RPTOR: variants seen among roughly 807,000 people sequenced by gnomAD.
The protein encoded by RPTOR is regulatory-associated protein of mTOR.
RPTOR carries 21 observed loss-of-function variants against 169.9 expected under a neutral mutation model. That is an observed-to-expected ratio of 0.12 (90% CI 0.09 to 0.18). RPTOR has a LOEUF of 0.18. RPTOR is among the 10% of genes least tolerant of loss of function. The pLI is 1.00. For synonymous variants in RPTOR, 732 were observed against 753.2 expected (o/e 0.97, Z 0.46); for missense variants, 1,133 against 1,855.9 (o/e 0.61, Z 7.16).
chr17:80,664,243 T>G (rs945810185), intron 3 of RPTOR, among the ~76,000 whole-genome samples: 2 of 152,234 alleles, frequency 1.3e-5, no homozygotes, highest in Non-Finnish European at 2.9e-5. Context: ...CTTCCTATTC[T>G]TTCTTAATGA....
chr17:80,859,690 C>T (rs1006329240), intron 13 of RPTOR, among the ~76,000 whole-genome samples: 1 of 152,200 alleles, frequency 6.6e-6, no homozygotes, highest in Non-Finnish European at 1.5e-5. Context: ...TCCACGTTCC[C>T]CCCGGACTTC....
chr17:80,883,835 C>T lies in RPTOR; in HGVS notation c.1705C>T (p.Pro569Ser). Residue 569 changes from proline to serine, a missense_variant, in exon 16 of 34, where the codon CCG becomes TCG. Physicochemically the swap from Pro to Ser is moderately conservative, Grantham distance 74. Around this residue, in one of 9 missense-constraint regions of RPTOR, gnomAD observed 289 missense variants for 585.8 expected, o/e 0.49. Transcript: ENST00000306801. ...IAICLEQLND[P>S]HPLLRQWVAI... ...CATCTGCCTGGAGCAGCTCAACGACCCGCACCCCTTGCTGCGCCAGTGGGT... is the reference window on the plus strand; with the variant it reads ...CATCTGCCTGGAGCAGCTCAACGACTCGCACCCCTTGCTGCGCCAGTGGGT... The T allele has an allele frequency of 6.2e-7, 1 of 1,613,762 alleles. No homozygotes were observed. The highest frequency in any genetic ancestry group is 8.5e-7 in the Non-Finnish European group (1 of 1,180,038).
chr17:80,572,981 A>G (rs2064923583), intron 1 of RPTOR, among the ~76,000 whole-genome samples: 1 of 151,916 alleles, frequency 6.6e-6, no homozygotes, highest in Non-Finnish European at 1.5e-5. Flanking sequence ...AACTTTGTGT[A>G]TGGTTTAAGG....
chr17:80,913,422 C>T (rs2068634965), intron 21 of RPTOR, among the ~76,000 whole-genome samples: 1 of 152,036 alleles, frequency 6.6e-6, no homozygotes, highest in Non-Finnish European at 1.5e-5. Context: ...CTTTTAGCTC[C>T]CTTTTCTCTT....
chr17:80,558,853 T>G (rs1478071271), intron 1 of RPTOR, among the ~76,000 whole-genome samples: 1 of 152,198 alleles, frequency 6.6e-6, no homozygotes, highest in African/African-American at 2.4e-5. Flanking sequence ...TTGCATTTGG[T>G]GGTCGTGTCT....
chr17:80,917,059 T>C (rs2068681703), intron 21 of RPTOR, among the ~76,000 whole-genome samples: 1 of 151,746 alleles, frequency 6.6e-6, no homozygotes, highest in Admixed American at 6.6e-5. Flanking sequence ...CCAAACATCC[T>C]AAGCCTGATG....
intron 1 of RPTOR, among the ~76,000 whole-genome samples, chr17:80,619,394 A>G (rs1005441106): frequency 4.6e-5 from 7 of 152,164 alleles, no homozygotes; most frequent in South Asian, 2.1e-4. Flanking sequence ...GATCACCTGT[A>G]TCTTTTTAAA....
chr17:80,728,908 A>G (rs546305457), intron 4 of RPTOR, among the ~76,000 whole-genome samples: 1 of 152,234 alleles, frequency 6.6e-6, no homozygotes, highest in Admixed American at 6.5e-5. Context: ...CAGGTGTTCT[A>G]TTATAGAGCA....
chr17:80,847,696 T>A (rs967028334), intron 11 of RPTOR, among the ~76,000 whole-genome samples: 1 of 151,824 alleles, frequency 6.6e-6, no homozygotes, highest in African/African-American at 2.4e-5. Context: ...GTTCTGAGAG[T>A]CGGCAGAGTT....
intron 27 of RPTOR, among the ~76,000 whole-genome samples, chr17:80,948,358 G>A (rs1468034): frequency 0.14 from 21,693 of 152,194 alleles, 4,078 homozygotes; most frequent in African/African-American, 0.44. Context: ...AGCATCAACC[G>A]ATGTCGAAAG....
At chr17:80,775,731 A>G (rs2066886335) in intron 6 of RPTOR, among the ~76,000 whole-genome samples, 2 of 152,208 alleles carry the variant, frequency 1.3e-5, no homozygotes, top group South Asian at 4.1e-4. Context: ...CTTTTAATTT[A>G]TTGCACAAAT....
At chr17:80,649,294 T>C (rs1438842614) in intron 3 of RPTOR, among the ~76,000 whole-genome samples, 1 of 152,198 alleles carries the variant, frequency 6.6e-6, no homozygotes, top group Non-Finnish European at 1.5e-5. Flanking sequence ...AGTTCCAAAT[T>C]GACAGTCCAG....
In RPTOR at chr17:80,730,369, G is replaced by A. The variant is rs1598262880; in HGVS notation, c.508-191G>A. On this transcript the variant is annotated intron_variant, in intron 4 of 33. Transcript: ENST00000306801. The surrounding 1 kb of genome is among the most constrained non-coding windows in gnomAD (Gnocchi z 4.2). ...GATCCACCCATCTCAGCCTCCCAAAGTGCTGAGATTCAGGTGTGAGCCATT... is the reference window on the plus strand; with the variant it reads ...GATCCACCCATCTCAGCCTCCCAAAATGCTGAGATTCAGGTGTGAGCCATT... Among the ~76,000 whole-genome samples, 1 of 152,252 alleles carries A rather than the reference G, an allele frequency of 6.6e-6. No individual in the cohort carries two copies. Among genetic ancestry groups the A allele is most frequent in the East Asian group, 1.9e-4 (1 of 5,166 alleles).
At chr17:80,774,823 G>A (rs1246187154) in intron 6 of RPTOR, among the ~76,000 whole-genome samples, 4 of 152,208 alleles carry the variant, frequency 2.6e-5, no homozygotes, top group African/African-American at 9.6e-5. Context: ...AGAAATCAAG[G>A]AGGCTGCGGA....
intron 6 of RPTOR, among the ~76,000 whole-genome samples, chr17:80,778,568 G>T (rs575532869): frequency 2.0e-5 from 3 of 152,146 alleles, no homozygotes; most frequent in South Asian, 4.1e-4. Context: ...GGGCCCAGGC[G>T]GGAGGATCAC....
At chr17:80,674,882 AC>A (rs1392706390) in intron 3 of RPTOR, among the ~76,000 whole-genome samples, 3 of 150,406 alleles carry the variant, frequency 2.0e-5, no homozygotes, top group African/African-American at 4.9e-5. Context: ...TGACAATACC[AC>A]CCATCTTGGG....
intron 1 of RPTOR, among the ~76,000 whole-genome samples, chr17:80,611,594 A>G (rs1351881411): frequency 6.6e-6 from 1 of 152,058 alleles, no homozygotes; most frequent in Non-Finnish European, 1.5e-5. Context: ...TTCTTCCTGA[A>G]TACTCCTGCA....
chr17:80,834,792 G>A (rs539769067), intron 9 of RPTOR, among the ~76,000 whole-genome samples: 3 of 152,280 alleles, frequency 2.0e-5, no homozygotes, highest in South Asian at 2.1e-4. Context: ...TTCCAAAGGC[G>A]CCTTGCCCAG....
intron 6 of RPTOR, among the ~76,000 whole-genome samples, chr17:80,779,684 A>G (rs2066922069): frequency 6.6e-6 from 1 of 152,182 alleles, no homozygotes; most frequent in East Asian, 1.9e-4. Flanking sequence ...CTAGCGTCGC[A>G]ACCATAGACC....
Sources: allele counts gnomAD v4.1 joint callset (sites outside exome capture counted in the v4.1 genomes callset), GRCh38; gene constraint gnomAD v4.1.1; regional missense constraint gnomAD v4.1.1; non-coding constraint Gnocchi (gnomAD v3.1); transcripts MANE v1.5; gene names NCBI Gene and HGNC (gene_info 2026-07-23, HGNC 2026-07-21).